The following NRG1 variants were observed in gnomAD, a reference collection of about 807,000 sequenced individuals.
The protein encoded by NRG1 is pro-neuregulin-1, membrane-bound isoform.
Under a neutral mutation model 63.8 loss-of-function variants are expected in NRG1, and 18 were observed. That is an observed-to-expected ratio of 0.28 (90% CI 0.19 to 0.42). The LOEUF is 0.42. Among genes scored for constraint, NRG1 ranks in the 10% least tolerant of loss-of-function variants. NRG1 has a pLI of 1.00. For synonymous variants in NRG1, 302 were observed against 301.3 expected (o/e 1.00, Z -0.02); for missense variants, 762 against 814.7 (o/e 0.94, Z 0.79).
At chr8:32,158,725 C>T (rs1838461069) in intron 1 of NRG1, among the ~76,000 whole-genome samples, 1 of 151,706 alleles carries the variant, frequency 6.6e-6, no homozygotes. Flanking sequence ...CAGGGACATA[C>T]ATATAAATAG....
At chr8:31,755,707 G>T (rs1419198375) in intron 1 of NRG1, among the ~76,000 whole-genome samples, 2 of 152,036 alleles carry the variant, frequency 1.3e-5, no homozygotes, top group East Asian at 3.9e-4. Flanking sequence ...TGGGGCATGG[G>T]GTTCCACTGC....
intron 1 of NRG1, among the ~76,000 whole-genome samples, chr8:32,475,848 T>A (rs959658930): frequency 3.9e-5 from 6 of 152,206 alleles, no homozygotes; most frequent in African/African-American, 1.2e-4. Flanking sequence ...GGAAGTTAAG[T>A]TATTTGCAAT....
intron 1 of NRG1, among the ~76,000 whole-genome samples, chr8:31,695,344 A>G (rs1809948543): frequency 1.3e-5 from 2 of 152,114 alleles, no homozygotes; most frequent in Non-Finnish European, 2.9e-5. Context: ...TACTGTTTAT[A>G]TTTTTAGTAA....
chr8:31,796,595 G>T (rs1821253223), intron 1 of NRG1, among the ~76,000 whole-genome samples: 1 of 151,674 alleles, frequency 6.6e-6, no homozygotes, highest in Admixed American at 6.6e-5. Context: ...ACCACACCAG[G>T]CTAATTTTGT....
rs186161930 is a variant in NRG1 at position 31,970,274 on chromosome 8, G to A, written c.37+330843G>A. Among the ~76,000 whole-genome samples the A allele has an allele frequency of 6.6e-5, 10 of 152,248 alleles. 1 individual carries two copies. Among genetic ancestry groups the A allele is most frequent in the Admixed American group, 5.2e-4 (8 of 15,302 alleles). On this transcript the variant is annotated intron_variant, in intron 1 of 10. Transcript: ENST00000519301. Reference sequence around the variant, plus strand: ...CAGGATATAATAAAGAAGGACTAAAGGTATCTCTTTGGTATGTGGTTCTTT... The same window carrying A: ...CAGGATATAATAAAGAAGGACTAAAAGTATCTCTTTGGTATGTGGTTCTTT...
At chr8:31,975,292 G>T (rs1807982873) in intron 1 of NRG1, among the ~76,000 whole-genome samples, 1 of 152,122 alleles carries the variant, frequency 6.6e-6, no homozygotes, top group African/African-American at 2.4e-5. Flanking sequence ...AGATCCCCGT[G>T]TCTCCAAACC....
chr8:32,167,748 C>T (rs1839549744), intron 1 of NRG1, among the ~76,000 whole-genome samples: 1 of 152,190 alleles, frequency 6.6e-6, no homozygotes, highest in African/African-American at 2.4e-5. Flanking sequence ...ATATAAACCC[C>T]ATTCTGGGGA....
chr8:32,276,542 G>C (rs539178824), intron 1 of NRG1, among the ~76,000 whole-genome samples: 1 of 152,146 alleles, frequency 6.6e-6, no homozygotes, highest in African/African-American at 2.4e-5. Context: ...ATCTCATTCT[G>C]TCCCCCAGGC....
At chr8:31,986,219 A>G (rs327371) in intron 1 of NRG1, among the ~76,000 whole-genome samples, 128,762 of 152,036 alleles carry the variant, frequency 0.85, 55,407 homozygotes, top group African/African-American at 0.96. Context: ...ATAAGTTGTA[A>G]GGGGTGGTGT....
intron 1 of NRG1, among the ~76,000 whole-genome samples, chr8:32,594,582 C>G (rs1486307091): frequency 6.6e-6 from 1 of 152,168 alleles, no homozygotes; most frequent in East Asian, 1.9e-4. Context: ...TTGTTTTTCA[C>G]CTTTATGCCT....
At chr8:32,648,306 A>G (rs753538944) in intron 5 of NRG1, 1 of 1,614,092 alleles carries the variant, frequency 6.2e-7, no homozygotes, top group South Asian at 1.1e-5. Context: ...ACCCACCCGG[A>G]ACCCTGAGGT....
intron 1 of NRG1, among the ~76,000 whole-genome samples, chr8:32,068,360 C>T (rs1466425): frequency 0.98 from 148,612 of 152,230 alleles, 72,642 homozygotes; most frequent in East Asian, 1. Context: ...CTGGACATGA[C>T]TTCAGACTTA....
intron 1 of NRG1, among the ~76,000 whole-genome samples, chr8:31,660,271 G>C (rs923351105): frequency 6.8e-6 from 1 of 146,764 alleles, no homozygotes; most frequent in African/African-American, 2.4e-5. Context: ...AGGAATTTAT[G>C]ATACAGCTGG....
chr8:32,751,777 G>A (rs554461299), intron 7 of NRG1, among the ~76,000 whole-genome samples: 7 of 152,172 alleles, frequency 4.6e-5, no homozygotes, highest in Admixed American at 4.6e-4. Context: ...CATTTTACTG[G>A]AAAATGTGTG....
intron 5 of NRG1, among the ~76,000 whole-genome samples, chr8:32,628,058 T>C (rs925944096): frequency 2.1e-4 from 32 of 152,206 alleles, no homozygotes; most frequent in African/African-American, 7.5e-4. Context: ...TAATGTAGCT[T>C]TGAGAACAGA....
chr8:31,710,093 T>A (rs62506921), intron 1 of NRG1, among the ~76,000 whole-genome samples: 31,796 of 151,594 alleles, frequency 0.21, 3,774 homozygotes, highest in Non-Finnish European at 0.26. Flanking sequence ...GCTCATGAAT[T>A]CAGGTATGAT....
At chr8:32,172,800 A>C (rs1245144415) in intron 1 of NRG1, among the ~76,000 whole-genome samples, 1 of 152,214 alleles carries the variant, frequency 6.6e-6, no homozygotes, top group African/African-American at 2.4e-5. Context: ...AAAAAGAATA[A>C]AAAGAAATGA....
intron 8 of NRG1, 75 bp downstream of exon 8, chr8:32,754,549 C>A: frequency 7.6e-7 from 1 of 1,322,808 alleles, no homozygotes; most frequent in Non-Finnish European, 1.1e-6. Flanking sequence ...TTTGCAGAAT[C>A]TGAGCTCCAC....
chr8:31,920,073 T>C (rs1833773094), intron 1 of NRG1, among the ~76,000 whole-genome samples: 1 of 152,116 alleles, frequency 6.6e-6, no homozygotes, highest in Admixed American at 6.6e-5. Context: ...TTGAGTAAAA[T>C]AGGGCTTTGT....
Sources: allele counts gnomAD v4.1 joint callset (sites outside exome capture counted in the v4.1 genomes callset), GRCh38; gene constraint gnomAD v4.1.1; transcripts MANE v1.5; gene names NCBI Gene and HGNC (gene_info 2026-07-23, HGNC 2026-07-21).